Variants in MDM2 observed in about 807,000 individuals in gnomAD.
The protein encoded by MDM2 is E3 ubiquitin-protein ligase Mdm2.
Under a neutral mutation model 64.3 loss-of-function variants are expected in MDM2, and 11 were observed. The ratio of observed to expected loss-of-function variants is 0.17; its 90% CI spans 0.11 to 0.28. The LOEUF is 0.28. MDM2 is among the 10% of genes least tolerant of loss of function. The probability of loss-of-function intolerance (pLI) is 1.00; values close to 1 mark genes in which losing one functional copy is unlikely to be tolerated. For missense variants in MDM2, 388 were observed against 577.1 expected, an observed-to-expected ratio of 0.67 and a Z score of 3.36; for synonymous variants, 194 against 192.9, an observed-to-expected ratio of 1.01 and a Z score of -0.05.
In MDM2 at chr12:68,836,000, C is replaced by A. The variant is rs2136169264; in HGVS notation, c.840+16C>A. On this transcript the variant is annotated intron_variant, in intron 9 of 10. Coordinates refer to ENST00000258149, the MANE Select transcript of MDM2 (RefSeq NM_002392.6). ...AGATGATGAGGTAGTATTTTTTTTC[C>A]CCTCTAATTATATTGGAAAATTATT... The A allele has an allele frequency of 6.4e-7, 1 of 1,564,996 alleles. No homozygotes were observed. Among genetic ancestry groups the A allele is most frequent in the Non-Finnish European group, 8.7e-7 (1 of 1,154,778 alleles).
intron 5 of MDM2, among the ~76,000 whole-genome samples, chr12:68,822,865 C>T (rs1038283819): frequency 5.9e-5 from 9 of 151,846 alleles, no homozygotes; most frequent in African/African-American, 1.2e-4. Context: ...CTCAGCCTCC[C>T]GAGTAGGTGG....
At position 68,844,333 on chromosome 12, in the gene MDM2, A is replaced by G. The variant is rs1884077154; in HGVS notation, c.*4484A>G. On this transcript the variant is annotated 3_prime_UTR_variant, in exon 11 of 11. Coordinates refer to ENST00000258149, the MANE Select transcript of MDM2 (RefSeq NM_002392.6). ...GCCTGCCCACTTTAGAAATACAAAT[A>G]TCACTGGGCAGCTTGAAGCAGTTGG... is the stretch of plus-strand genomic sequence containing the variant. 1 of 223,532 alleles carries G rather than the reference A, an allele frequency of 4.5e-6. No homozygotes were observed. The highest frequency in any genetic ancestry group is 2.2e-5 in the African/African-American group (1 of 44,858). The allele number at this position is 223,532 out of a possible 1,614,324, so 13.8% of individuals were successfully genotyped here.
chr12:68,825,746 G>T (rs771878671), intron 7 of MDM2, among the ~76,000 whole-genome samples: 2 of 152,344 alleles, frequency 1.3e-5, no homozygotes, highest in Non-Finnish European at 2.9e-5. Context: ...TGAGGAAGTC[G>T]CAGTAACTAA....
Position 68,816,874 on chromosome 12 carries a change from T to A in MDM2, c.237T>A (p.His79Gln). 6.2e-7 allele frequency: 1 copy of A among 1,612,380 alleles called. No individual in the cohort carries two copies. Among genetic ancestry groups the A allele is most frequent in the Non-Finnish European group, 8.5e-7 (1 of 1,179,324 alleles). The change falls in exon 4 of 11, where the codon CAT (histidine) becomes CAA (glutamine). Residue 79 changes from histidine to glutamine, a missense_variant. By Grantham distance (24) the His-to-Gln change is conservative. Coordinates refer to ENST00000258149, the MANE Select transcript of MDM2 (RefSeq NM_002392.6). ...TKRLYDEKQQ[H>Q]IVYCSNDLLG... Reference sequence around the variant, plus strand: ...GATTATATGATGAGAAGCAACAACATATTGTATATTGTTCAAATGATCTTC... The same window carrying A: ...GATTATATGATGAGAAGCAACAACAAATTGTATATTGTTCAAATGATCTTC...
chr12:68,808,240 C>T lies in MDM2; in HGVS notation c.-238C>T, dbSNP rs1880526386. ...CTGGGGCCTGTGTGGCCCTGTGTGT[C>T]GGAAAGATGGAGCAAGAAGCCGAGC... On this transcript the variant is annotated 5_prime_UTR_variant, in exon 1 of 11. Coordinates refer to ENST00000258149, the MANE Select transcript of MDM2 (RefSeq NM_002392.6). The T allele has an allele frequency of 2.7e-5, 16 of 586,992 alleles. No individual in the cohort carries two copies. The East Asian group carries it at 4.5e-4, about 17-fold the overall frequency. 36.4% of individuals were successfully genotyped at this position (586,992 alleles called of 1,614,324 possible).
At chr12:68,820,260 G>A (rs2136128326) in intron 4 of MDM2, 65 bp from the exon 5 acceptor site, 2 of 1,251,216 alleles carry the variant, frequency 1.6e-6, no homozygotes, top group Non-Finnish European at 2.3e-6. Context: ...GTTAGATCCA[G>A]CTTAATACAA....
chr12:68,850,316 C>T (rs1884610702), downstream of MDM2: 1 of 148,278 alleles, frequency 6.7e-6, no homozygotes, highest in African/African-American at 2.5e-5. Context: ...CAAATTTAAA[C>T]GTTGAAGTCT....
chr12:68,809,574 T>C (rs1880679934), intron 2 of MDM2, among the ~76,000 whole-genome samples: 1 of 152,162 alleles, frequency 6.6e-6, no homozygotes, highest in Non-Finnish European at 1.5e-5. Context: ...TTTTTCCTTT[T>C]TGACCTCCCA....
intron 4 of MDM2, among the ~76,000 whole-genome samples, chr12:68,818,111 G>A (rs1881544892): frequency 6.6e-6 from 1 of 152,066 alleles, no homozygotes; most frequent in Admixed American, 6.6e-5. Flanking sequence ...GGAATTCTTT[G>A]TCACATTTGG....
chr12:68,818,367 TAGG>T (rs983632462), intron 4 of MDM2, among the ~76,000 whole-genome samples: 1 of 151,678 alleles, frequency 6.6e-6, no homozygotes, highest in African/African-American at 2.4e-5. Flanking sequence ...TATTGAACAT[TAGG>T]AGATGACAGA....
At chr12:68,812,405 C>G (rs1054744046) in intron 2 of MDM2, among the ~76,000 whole-genome samples, 2 of 152,092 alleles carry the variant, frequency 1.3e-5, no homozygotes, top group East Asian at 3.9e-4. Flanking sequence ...TGCAGAGGTA[C>G]CAGTTTGTGT....
In MDM2 at chr12:68,808,216, T is replaced by A; in HGVS notation, c.-262T>A. 1 of 540,024 alleles carries A rather than the reference T, an allele frequency of 1.9e-6. No homozygotes were observed. The highest frequency in any genetic ancestry group is 3.3e-6 in the Non-Finnish European group (1 of 307,252). 33.5% of individuals were successfully genotyped at this position (540,024 alleles called of 1,614,324 possible). On this transcript the variant is annotated 5_prime_UTR_variant, in exon 1 of 11. Transcript: ENST00000258149. ...GCACCGCGGCGAGCTTGGCTGCTTC[T>A]GGGGCCTGTGTGGCCCTGTGTGTCG... is the stretch of plus-strand genomic sequence containing the variant.
chr12:68,817,379 C>A (rs1221466278), intron 4 of MDM2, among the ~76,000 whole-genome samples: 4 of 152,076 alleles, frequency 2.6e-5, no homozygotes, highest in African/African-American at 9.7e-5. Flanking sequence ...ACATTTGAGC[C>A]TTAGTTATTT....
chr12:68,808,588 T>G (rs1241019871), intron 1 of MDM2, 97 bp downstream of exon 1: 71 of 1,564,732 alleles, frequency 4.5e-5, no homozygotes, highest in Non-Finnish European at 2.9e-5. Flanking sequence ...GCAGCCTTTG[T>G]GCGGTTCGTG....
At position 68,842,563 on chromosome 12, in the gene MDM2, C is replaced by G. The variant is rs1397379019; in HGVS notation, c.*2714C>G. Reference sequence around the variant, plus strand: ...ATAATATGGATGTTTGATCGCATCTCATTGTTAACTCTTTACTGATATGTT... The same window carrying G: ...ATAATATGGATGTTTGATCGCATCTGATTGTTAACTCTTTACTGATATGTT... On this transcript the variant is annotated 3_prime_UTR_variant, in exon 11 of 11. Transcript: ENST00000258149. The G allele has an allele frequency of 2.9e-6, 1 of 344,342 alleles. No individual in the cohort carries two copies. The highest frequency in any genetic ancestry group is 5.2e-5 in the East Asian group (1 of 19,368). The allele number at this position is 344,342 out of a possible 1,614,324, so 21.3% of individuals were successfully genotyped here. A position where few individuals can be genotyped will look rare whatever the true frequency, so the allele number is the denominator to read the frequency against.
At chr12:68,833,378 TTA>T (rs1373340895) in intron 8 of MDM2, among the ~76,000 whole-genome samples, 1 of 132,894 alleles carries the variant, frequency 7.5e-6, no homozygotes, top group African/African-American at 3.0e-5. Context: ...CCTGTATATA[TTA>T]TATATATTAC....
chr12:68,839,313 C>T lies in MDM2; in HGVS notation c.958C>T (p.Pro320Ser), dbSNP rs1247132124. 6.2e-7 allele frequency: 1 copy of T among 1,613,764 alleles called. No homozygotes were observed. Among genetic ancestry groups the T allele is most frequent in the South Asian group, 1.1e-5 (1 of 90,994 alleles). ...KCTSCNEMNP[P>S]LPSHCNRCWA... is the part of the protein sequence containing the mutation. ...CACTTCATGCAATGAAATGAATCCC[C>T]CCCTTCCATCACATTGCAACAGATG... Residue 320 changes from proline (P) to serine (S), a missense_variant, in exon 11 of 11, where the codon CCC becomes TCC. Physicochemically the swap from Pro to Ser is moderately conservative, Grantham distance 74. Coordinates refer to ENST00000258149, the MANE Select transcript of MDM2 (RefSeq NM_002392.6).
At position 68,808,507 on chromosome 12, in the gene MDM2, C is replaced by G. The variant is rs998194245; in HGVS notation, c.14+16C>G. On this transcript the variant is annotated intron_variant, in intron 1 of 10. Transcript: ENST00000258149. ...TGAGGAGCAGGTACTGGCCCGGCAG[C>G]GAGCGGTCACTTTTGGGTCTGGGCT... The G allele has an allele frequency of 6.2e-7, 1 of 1,614,062 alleles. No homozygotes were observed. The highest frequency in any genetic ancestry group is 1.3e-5 in the African/African-American group (1 of 75,052).
At chr12:68,829,797 T>C (rs1226226214) in intron 8 of MDM2, among the ~76,000 whole-genome samples, 4 of 151,906 alleles carry the variant, frequency 2.6e-5, no homozygotes, top group Non-Finnish European at 5.9e-5. Context: ...AGGTTTATTA[T>C]TGCATGGATG....
Sources: allele counts gnomAD v4.1 joint callset (sites outside exome capture counted in the v4.1 genomes callset), GRCh38; gene constraint gnomAD v4.1.1; transcripts MANE v1.5; gene names NCBI Gene and HGNC (gene_info 2026-07-23, HGNC 2026-07-21).